TRPC1: variants seen among roughly 807,000 people sequenced by gnomAD.
TRPC1 encodes short transient receptor potential channel 1.
Under a neutral mutation model 88.2 loss-of-function variants are expected in TRPC1, and 42 were observed. The observed-to-expected ratio is 0.48, with a 90% CI of 0.37 to 0.62. TRPC1 has a LOEUF of 0.62. Among genes scored for constraint, TRPC1 ranks in the 20% least tolerant of loss-of-function variants. The pLI, the probability that TRPC1 is intolerant of heterozygous loss-of-function variation, is 0.00. For synonymous variants in TRPC1, 288 were observed against 331.8 expected, an observed-to-expected ratio of 0.87 and a Z score of 1.43; for missense variants, 699 against 957.3, an observed-to-expected ratio of 0.73 and a Z score of 3.56.
intron 7 of TRPC1, among the ~76,000 whole-genome samples, chr3:142,790,198 T>TA (rs1936253213): frequency 6.6e-6 from 1 of 151,954 alleles, no homozygotes; most frequent in South Asian, 2.1e-4. Context: ...ATAAAGGCCC[T>TA]AAAGGCAGGA....
intron 9 of TRPC1, among the ~76,000 whole-genome samples, chr3:142,797,157 C>A (rs1936477911): frequency 6.7e-6 from 1 of 149,718 alleles, no homozygotes; most frequent in African/African-American, 2.5e-5. Flanking sequence ...TCTAGAGAAA[C>A]TAAGTGGAAA....
At chr3:142,787,805 A>G (rs941555523) in intron 7 of TRPC1, among the ~76,000 whole-genome samples, 6 of 152,202 alleles carry the variant, frequency 3.9e-5, no homozygotes, top group Non-Finnish European at 7.3e-5. Flanking sequence ...TTATAGGGGC[A>G]TTTGCCCTAG....
intron 9 of TRPC1, among the ~76,000 whole-genome samples, 174 bp from the exon 10 acceptor site, chr3:142,801,994 TG>T (rs906429718): frequency 1.3e-5 from 2 of 152,134 alleles, no homozygotes; most frequent in African/African-American, 4.8e-5. Context: ...AATGACTTTT[TG>T]TTAGGCAGCT....
chr3:142,755,603 C>G (rs1017662927), intron 4 of TRPC1, among the ~76,000 whole-genome samples: 1 of 152,138 alleles, frequency 6.6e-6, no homozygotes, highest in African/African-American at 2.4e-5. Context: ...GCCTCATTTA[C>G]TCCAGTTCTT....
chr3:142,780,423 A>G (rs533363361), intron 5 of TRPC1, among the ~76,000 whole-genome samples: 2 of 152,332 alleles, frequency 1.3e-5, no homozygotes, highest in Non-Finnish European at 2.9e-5. Flanking sequence ...TAAAAATTTT[A>G]TGATAATGAT....
In TRPC1 at chr3:142,804,426, T is replaced by C; in HGVS notation, c.1960-10T>C. The C allele has an allele frequency of 6.3e-7, 1 of 1,599,616 alleles. No individual in the cohort carries two copies. Among genetic ancestry groups the C allele is most frequent in the Non-Finnish European group, 8.5e-7 (1 of 1,174,584 alleles). On this transcript the variant is annotated splice_polypyrimidine_tract_variant and intron_variant, in intron 11 of 12. Coordinates refer to ENST00000476941, the MANE Select transcript of TRPC1 (RefSeq NM_001251845.2). The stretch of plus-strand genomic sequence containing the variant: ...ATTCTAGTTTGCTTTTTAATTTGCC[T>C]TTTATATAGAATCATGAAGACAAAG...
At chr3:142,777,556 A>C (rs1262435016) in intron 4 of TRPC1, 76 bp from the exon 5 acceptor site, 2 of 955,174 alleles carry the variant, frequency 2.1e-6, no homozygotes, top group Non-Finnish European at 2.8e-6. Context: ...GTATACATTT[A>C]TGAAAATTAT....
At position 142,726,875 on chromosome 3, in the gene TRPC1, AG is replaced by A. The variant is rs751602978; in HGVS notation, c.172+2146del. ...GGTCGAGTGTTCATGCTTTTCATAG[AG>A]GATTTCATTTAAACCCCACAACCCC... On this transcript the variant is annotated intron_variant, in intron 1 of 12. Coordinates refer to ENST00000476941, the MANE Select transcript of TRPC1 (RefSeq NM_001251845.2). Among the ~76,000 whole-genome samples the A allele has an allele frequency of 1.1e-4, 16 of 152,188 alleles. No individual in the cohort carries two copies. The South Asian group carries it at 2.7e-3, about 26-fold the overall frequency.
chr3:142,803,422 A>G (rs934936220), intron 10 of TRPC1, among the ~76,000 whole-genome samples: 13 of 152,232 alleles, frequency 8.5e-5, no homozygotes, highest in Non-Finnish European at 1.3e-4. Flanking sequence ...GTTGTAGGAA[A>G]TGAAGTCAGA....
At chr3:142,760,165 G>T (rs7653309) in intron 4 of TRPC1, among the ~76,000 whole-genome samples, 52,951 of 151,950 alleles carry the variant, frequency 0.35, 12,708 homozygotes, top group African/African-American at 0.69. Flanking sequence ...AAAAAAAATT[G>T]GCCCAGACCA....
intron 4 of TRPC1, among the ~76,000 whole-genome samples, chr3:142,759,924 G>A (rs897812045): frequency 7.2e-5 from 11 of 152,028 alleles, no homozygotes; most frequent in African/African-American, 1.4e-4. Flanking sequence ...GCGCGATCTC[G>A]GCTCACTGCA....
At chr3:142,740,216 T>C (rs1012761872) in intron 2 of TRPC1, among the ~76,000 whole-genome samples, 1 of 152,230 alleles carries the variant, frequency 6.6e-6, no homozygotes, top group African/African-American at 2.4e-5. Context: ...TATTTTGATT[T>C]GGAGTGGGAA....
chr3:142,748,474 A>G lies in TRPC1; in HGVS notation c.632+14A>G. 1 of 1,611,524 alleles carries G rather than the reference A, an allele frequency of 6.2e-7. No homozygotes were observed. The highest frequency in any genetic ancestry group is 1.1e-5 in the South Asian group (1 of 90,976). On this transcript the variant is annotated intron_variant, in intron 4 of 12. Coordinates refer to ENST00000476941, the MANE Select transcript of TRPC1 (RefSeq NM_001251845.2). ...CCGGCATTCCAGGTTAGAACATTAAACTTTTGATAAATAGATGTGTGATAT... is the reference window on the plus strand; with the variant it reads ...CCGGCATTCCAGGTTAGAACATTAAGCTTTTGATAAATAGATGTGTGATAT...
chr3:142,737,103 G>C (rs144390185), intron 2 of TRPC1, among the ~76,000 whole-genome samples: 1 of 152,030 alleles, frequency 6.6e-6, no homozygotes, highest in Non-Finnish European at 1.5e-5. Flanking sequence ...AGAAAAACAG[G>C]CATGTGTGTA....
rs1936823312 is a variant in TRPC1, at chr3:142,807,304, T to C, written c.*1069T>C. ...CTATAAAAGTGACTTCATGCTTACT[T>C]GTGGATCATTCTTGCTGCTTAAGAT... On this transcript the variant is annotated 3_prime_UTR_variant, in exon 13 of 13. Coordinates refer to ENST00000476941, the MANE Select transcript of TRPC1 (RefSeq NM_001251845.2). 6.6e-6 allele frequency: 1 copy of C among 152,222 alleles called. No homozygotes were observed. Among genetic ancestry groups the C allele is most frequent in the Non-Finnish European group, 1.5e-5 (1 of 68,040 alleles). 9.4% of individuals were successfully genotyped at this position (152,222 alleles called of 1,614,324 possible).
At chr3:142,768,977 T>C (rs1935486122) in intron 4 of TRPC1, among the ~76,000 whole-genome samples, 1 of 152,174 alleles carries the variant, frequency 6.6e-6, no homozygotes, top group South Asian at 2.1e-4. Flanking sequence ...GTCTTTTATA[T>C]TTATCCACAT....
In TRPC1 at chr3:142,806,727, T is replaced by G. The variant is rs1181844824; in HGVS notation, c.*492T>G. ...TTTTATTTTATCTAAAATAATAGTCTATTTTTTCTTTTGTATTTTGTTATA... is the reference window on the plus strand; with the variant it reads ...TTTTATTTTATCTAAAATAATAGTCGATTTTTTCTTTTGTATTTTGTTATA... On this transcript the variant is annotated 3_prime_UTR_variant, in exon 13 of 13. Transcript: ENST00000476941. 1 of 152,106 alleles carries G rather than the reference T, an allele frequency of 6.6e-6. No individual in the cohort carries two copies. The highest frequency in any genetic ancestry group is 1.5e-5 in the Non-Finnish European group (1 of 67,992). 9.4% of individuals were successfully genotyped at this position (152,106 alleles called of 1,614,324 possible). A position where few individuals can be genotyped will look rare whatever the true frequency, so the allele number is the denominator to read the frequency against.
At position 142,774,191 on chromosome 3, in the gene TRPC1, C is replaced by A. The variant is rs369983550; in HGVS notation, c.633-3441C>A. ...CAATCTGTGGGTTAGTTGGGGAATG[C>A]ATTTGAAGTTGTGGGCATTTATTAA... On this transcript the variant is annotated intron_variant, in intron 4 of 12. Coordinates refer to ENST00000476941, the MANE Select transcript of TRPC1 (RefSeq NM_001251845.2). 2.6e-5 allele frequency among the ~76,000 whole-genome samples: 4 copies of A among 152,196 alleles called. No homozygotes were observed. In the East Asian group the frequency reaches 5.8e-4, roughly 22 times the overall value.
In TRPC1 at chr3:142,775,362, T is replaced by C. The variant is rs929563871; in HGVS notation, c.633-2270T>C. Among the ~76,000 whole-genome samples the C allele has an allele frequency of 3.3e-5, 5 of 152,232 alleles. 1 individual carries two copies. Among genetic ancestry groups the C allele is most frequent in the Non-Finnish European group, 7.3e-5 (5 of 68,040 alleles). On this transcript the variant is annotated intron_variant, in intron 4 of 12. Transcript: ENST00000476941. Reference sequence around the variant, plus strand: ...GGATTAAAAGTATTTAAGTCGCCTGTAATCCCAGCACTTTGGGAGGCCGAG... The same window carrying C: ...GGATTAAAAGTATTTAAGTCGCCTGCAATCCCAGCACTTTGGGAGGCCGAG...
Sources: gnomAD v4.1 joint callset for allele counts (sites outside exome capture counted in the v4.1 genomes callset) on GRCh38, gnomAD v4.1.1 for gene constraint, MANE v1.5 for transcripts, NCBI Gene and HGNC (gene_info 2026-07-23, HGNC 2026-07-21) for gene names.